Variants in FRMD6 observed in about 807,000 individuals in gnomAD.
FRMD6 encodes the protein FERM domain-containing protein 6.
In FRMD6, 37 loss-of-function variants were observed where a neutral mutation model predicts 73.2. That is an observed-to-expected ratio of 0.51 (90% confidence interval 0.39 to 0.66). The LOEUF (loss-of-function observed/expected upper bound fraction) is 0.66. Ranked by LOEUF, FRMD6 falls within the 30% of genes least tolerant of loss-of-function variation. The probability of loss-of-function intolerance (pLI) is 0.00; values close to 1 mark genes in which losing one functional copy is unlikely to be tolerated. For missense variants in FRMD6, 714 were observed against 780.5 expected (o/e 0.91, Z 1.02); for synonymous variants, 273 against 282.2 (o/e 0.97, Z 0.33).
intron 9 of FRMD6, chr14:51,714,235 T>C (rs776127592): frequency 2.0e-5 from 3 of 152,138 alleles, no homozygotes; most frequent in Non-Finnish European, 2.9e-5. Context: ...ACATGCTTAG[T>C]GCTCAATAAA....
At chr14:51,419,670 C>G in the FRMD6 span, among the ~76,000 whole-genome samples, 1 of 152,168 alleles carries the variant, frequency 6.6e-6, no homozygotes, top group Non-Finnish European at 1.5e-5. Flanking sequence ...TTCAGAAGAC[C>G]TATCTGAAAG....
the FRMD6 span, among the ~76,000 whole-genome samples, chr14:51,401,459 C>T: frequency 6.6e-6 from 1 of 152,256 alleles, no homozygotes; most frequent in Admixed American, 6.5e-5. Flanking sequence ...TTTGTTGTAG[C>T]AACAAGTTCC....
chr14:51,577,463 T>C (rs545142938), intron 2 of FRMD6, among the ~76,000 whole-genome samples: 16 of 152,354 alleles, frequency 1.1e-4, no homozygotes, highest in Admixed American at 2.6e-4. Flanking sequence ...GTATCAGATA[T>C]GTGCCAAGCC....
chr14:51,437,376 C>G, the FRMD6 span, among the ~76,000 whole-genome samples: 2 of 152,278 alleles, frequency 1.3e-5, no homozygotes, highest in East Asian at 3.9e-4. Flanking sequence ...GATCTCGGCT[C>G]ACTGCAACCT....
chr14:51,415,667 T>A, the FRMD6 span, among the ~76,000 whole-genome samples: 19 of 152,248 alleles, frequency 1.2e-4, no homozygotes, highest in Non-Finnish European at 2.6e-4. Context: ...GCTGGCCTCA[T>A]AAAATGAGTT....
chr14:51,501,318 G>T (rs967998028), intron 1 of FRMD6, among the ~76,000 whole-genome samples: 2 of 152,096 alleles, frequency 1.3e-5, no homozygotes, highest in Non-Finnish European at 2.9e-5. Flanking sequence ...CCGTCACCTA[G>T]GTATTAAGCC....
At chr14:51,502,386 G>A (rs911636471) in intron 1 of FRMD6, among the ~76,000 whole-genome samples, 4 of 152,146 alleles carry the variant, frequency 2.6e-5, no homozygotes, top group African/African-American at 9.7e-5. Context: ...TATGGTGTAA[G>A]GAAGGAGTCC....
At chr14:51,705,618 A>G (rs115115168) in intron 6 of FRMD6, among the ~76,000 whole-genome samples, 1,858 of 152,166 alleles carry the variant, frequency 0.012, 50 homozygotes, top group African/African-American at 0.042. Context: ...AAGAAGAGCT[A>G]CTACTCTTGC....
Position 51,691,699 on chromosome 14 carries a change from A to G in FRMD6, c.99+1764A>G, listed in dbSNP as rs367835540. Among the ~76,000 whole-genome samples, 14 of 143,152 alleles carry G rather than the reference A, an allele frequency of 9.8e-5. No individual in the cohort carries two copies. In the East Asian group the frequency reaches 1.9e-3, roughly 19 times the overall value. The allele number at this position is 143,152 out of a possible 152,430, so 93.9% of individuals were successfully genotyped here. A position where few individuals can be genotyped will look rare whatever the true frequency, so the allele number is the denominator to read the frequency against. On this transcript the variant is annotated intron_variant, in intron 2 of 13. Transcript: ENST00000344768. ...AGTCTCTGCCTTCCAGCTTCAAGCG[A>G]TTCTCCTGCCTCAGCCTCCCGAGTA...
At chr14:51,661,521 T>C (rs1245503458) in intron 1 of FRMD6, among the ~76,000 whole-genome samples, 1 of 152,136 alleles carries the variant, frequency 6.6e-6, no homozygotes, top group East Asian at 1.9e-4. Flanking sequence ...CTTCATCTTT[T>C]AGAGGTTGTG....
chr14:51,437,456 C>G, the FRMD6 span, among the ~76,000 whole-genome samples: 1 of 152,180 alleles, frequency 6.6e-6, no homozygotes, highest in African/African-American at 2.4e-5. Context: ...GCAAGCACCA[C>G]CACACCCGGC....
intron 1 of FRMD6, among the ~76,000 whole-genome samples, chr14:51,674,587 T>A (rs1193053088): frequency 6.6e-6 from 1 of 152,088 alleles, no homozygotes; most frequent in Non-Finnish European, 1.5e-5. Flanking sequence ...GGTTTTTGTT[T>A]GTTTGATTGA....
chr14:51,611,053 TA>T (rs1310033468), intron 2 of FRMD6, among the ~76,000 whole-genome samples: 1 of 152,058 alleles, frequency 6.6e-6, no homozygotes, highest in African/African-American at 2.4e-5. Context: ...AGAAATCGAG[TA>T]ATCTTTCTAT....
At chr14:51,509,870 C>T (rs188662601) in intron 1 of FRMD6, among the ~76,000 whole-genome samples, 1 of 152,254 alleles carries the variant, frequency 6.6e-6, no homozygotes, top group East Asian at 2.0e-4. Context: ...AGGTGATCCA[C>T]CCGTCTTGGT....
At chr14:51,535,193 C>T (rs1213966724) in intron 1 of FRMD6, among the ~76,000 whole-genome samples, 2 of 152,118 alleles carry the variant, frequency 1.3e-5, no homozygotes, top group African/African-American at 2.4e-5. Flanking sequence ...AAAAAAATAG[C>T]TTATTGAAAT....
intron 1 of FRMD6, among the ~76,000 whole-genome samples, chr14:51,539,977 CCAA>C (rs1398981149): frequency 6.6e-6 from 1 of 152,208 alleles, no homozygotes; most frequent in African/African-American, 2.4e-5. Context: ...TTGGAACACT[CCAA>C]CAAAAGGCAC....
At chr14:51,567,917 T>G (rs1321276532) in intron 1 of FRMD6, among the ~76,000 whole-genome samples, 1 of 152,202 alleles carries the variant, frequency 6.6e-6, no homozygotes, top group Non-Finnish European at 1.5e-5. Context: ...TTTTTCTTAA[T>G]AAAGGGAAAA....
chr14:51,429,868 T>C, the FRMD6 span, among the ~76,000 whole-genome samples: 1 of 152,334 alleles, frequency 6.6e-6, no homozygotes, highest in Non-Finnish European at 1.5e-5. Flanking sequence ...AGAAATTCTT[T>C]TCACAGAAAA....
chr14:51,652,594 C>T (rs1389665889), intron 1 of FRMD6, among the ~76,000 whole-genome samples: 1 of 152,252 alleles, frequency 6.6e-6, no homozygotes, highest in Non-Finnish European at 1.5e-5. Flanking sequence ...GTCTGCCCCG[C>T]GTCCCGGAAA....
Sources: gnomAD v4.1 joint callset for allele counts (sites outside exome capture counted in the v4.1 genomes callset) on GRCh38, gnomAD v4.1.1 for gene constraint, MANE v1.5 for transcripts, NCBI Gene and HGNC (gene_info 2026-07-23, HGNC 2026-07-21) for gene names.